Variants in HECTD4 observed in about 807,000 individuals in gnomAD.
The protein encoded by HECTD4 is HECT domain E3 ubiquitin protein ligase 4, also known as probable E3 ubiquitin-protein ligase HECTD4.
In HECTD4, 114 loss-of-function variants were observed where a neutral mutation model predicts 471.5. That is an observed-to-expected ratio of 0.24 (90% confidence interval 0.21 to 0.28). The LOEUF is 0.28. HECTD4 is among the 10% of genes least tolerant of loss of function. HECTD4 has a pLI of 1.00. For missense variants in HECTD4, 3,866 were observed against 5,651.5 expected (o/e 0.68, Z 10.13); for synonymous variants, 2,012 against 2,256.0 (o/e 0.89, Z 3.07).
At chr12:112,318,081 T>C (rs780873371) in intron 2 of HECTD4, among the ~76,000 whole-genome samples, 16 of 150,818 alleles carry the variant, frequency 1.1e-4, no homozygotes, top group Non-Finnish European at 7.4e-5. Flanking sequence ...TTGAGACCAG[T>C]CTGGCCAACA....
At chr12:112,230,612 C>T (rs1212252360) in intron 40 of HECTD4, 75 bp downstream of exon 40, 5 of 1,475,044 alleles carry the variant, frequency 3.4e-6, no homozygotes. Flanking sequence ...ACTGAAATGC[C>T]CCTTGCTGGG....
intron 70 of HECTD4, among the ~76,000 whole-genome samples, chr12:112,168,123 C>T (rs1261450651): frequency 2.6e-5 from 4 of 152,200 alleles, no homozygotes; most frequent in Non-Finnish European, 5.9e-5. Flanking sequence ...CCAGGGATAC[C>T]ACGGAGGGCA....
intron 70 of HECTD4, among the ~76,000 whole-genome samples, chr12:112,169,181 C>G (rs759747413): frequency 6.6e-6 from 1 of 152,062 alleles, no homozygotes; most frequent in Non-Finnish European, 1.5e-5. Flanking sequence ...AACACCCTGC[C>G]TCTCATGGGG....
chr12:112,172,884 AG>A lies in HECTD4; in HGVS notation c.11595-24del, dbSNP rs759612626. ...CACCTTGGGGTGGGGACAGGGGGAG[AG>A]GGGCAAAGTGAGGCAGGGCACACCG... On this transcript the variant is annotated intron_variant, in intron 66 of 75. Coordinates refer to ENST00000682272, the MANE Select transcript of HECTD4 (RefSeq NM_001388303.1). The A allele has an allele frequency of 5.0e-6, 8 of 1,608,024 alleles. No individual in the cohort carries two copies. The East Asian group carries it at 1.6e-4, about 31-fold the overall frequency.
chr12:112,172,624 T>A (rs1316059613), intron 67 of HECTD4, 47 bp downstream of exon 67: 3 of 1,582,374 alleles, frequency 1.9e-6, no homozygotes, highest in Non-Finnish European at 2.6e-6. Context: ...TCATGGGGCA[T>A]GCCCGCATCA....
chr12:112,335,843 AGT>A (rs922199432), intron 1 of HECTD4, among the ~76,000 whole-genome samples: 2 of 152,174 alleles, frequency 1.3e-5, no homozygotes, highest in African/African-American at 4.8e-5. Flanking sequence ...TAAATAAATA[AGT>A]GTTCTAGTTA....
chr12:112,310,475 T>C (rs1191505811), intron 4 of HECTD4, among the ~76,000 whole-genome samples: 1 of 152,186 alleles, frequency 6.6e-6, no homozygotes, highest in Non-Finnish European at 1.5e-5. Context: ...TCCAAAGAAT[T>C]TGCCTTAAAA....
chr12:112,243,143 G>A lies in HECTD4; in HGVS notation c.4958+210C>T. 6.6e-6 allele frequency among the ~76,000 whole-genome samples: 1 copy of A among 152,178 alleles called. No individual in the cohort carries two copies. Among genetic ancestry groups the A allele is most frequent in the Non-Finnish European group, 1.5e-5 (1 of 68,032 alleles). On this transcript the variant is annotated intron_variant, in intron 32 of 75. Transcript: ENST00000682272. The surrounding 1 kb of genome is among the most constrained non-coding windows in gnomAD (Gnocchi z 6.6). ...CTGTAATGAGCTCTTAATGGACAGA[G>A]TGGAATTCAGGAGAAGAAGGTGAAT...
chr12:112,176,677 G>T lies in HECTD4; in HGVS notation c.11389C>A (p.Pro3797Thr), dbSNP rs755529328. 5.6e-6 allele frequency: 9 copies of T among 1,613,736 alleles called. No homozygotes were observed. The Admixed American group carries it at 1.3e-4, about 24-fold the overall frequency. The change falls in exon 65 of 76, where the codon CCA (proline) becomes ACA (threonine). Residue 3797 changes from proline (P) to threonine (T), a missense_variant. By Grantham distance (38) the Pro-to-Thr change is conservative. This residue lies in a region of HECTD4 where 715 missense variants were observed against 1,087.6 expected (regional missense o/e 0.66). Transcript: ENST00000682272. ...TCTGGTGATTTTGGCTTCACAGTTGGCTTCTTCTCACTTAAGGCAGTCCTG... is the reference window on the plus strand; with the variant it reads ...TCTGGTGATTTTGGCTTCACAGTTGTCTTCTTCTCACTTAAGGCAGTCCTG... ...VSRTALSEKK[P>T]TVKPKSPEKS...
At chr12:112,324,949 C>T (rs2035710402) in intron 1 of HECTD4, among the ~76,000 whole-genome samples, 1 of 152,138 alleles carries the variant, frequency 6.6e-6, no homozygotes, top group Non-Finnish European at 1.5e-5. Context: ...CAATCATCTA[C>T]TTATGTTATA....
rs2137029042 is a variant in HECTD4, at chr12:112,185,337, G to T, written c.9629C>A (p.Ala3210Asp). 1.3e-6 allele frequency: 2 copies of T among 1,595,146 alleles called. No homozygotes were observed. Among genetic ancestry groups the T allele is most frequent in the East Asian group, 4.5e-5 (2 of 44,040 alleles). ...CTCCGACTGCAAGGCCATCAGCATG[G>T]CCAGGCAGGGGTTCAGCTGGAGGGC... ...SIALQLNPCL[A>D]MLMALQSELH... The change falls in exon 61 of 76, where the codon GCC becomes GAC. Residue 3210 changes from alanine to aspartate, a missense_variant. Coordinates refer to ENST00000682272, the MANE Select transcript of HECTD4 (RefSeq NM_001388303.1).
In HECTD4 at chr12:112,179,006, G is replaced by A. The variant is rs761270870; in HGVS notation, c.11288C>T (p.Pro3763Leu). The A allele has an allele frequency of 5.6e-6, 9 of 1,613,622 alleles. 1 individual carries two copies. The South Asian group carries it at 8.8e-5, about 16-fold the overall frequency. ...KYSKAGKEQH[P>L]VKVVSTKRPI... Reference sequence around the variant, plus strand: ...CCGCTTGGTGCTCACCACCTTCACGGGGTGCTGCTCCTTCCCGGCCTTGCT... The same window carrying A: ...CCGCTTGGTGCTCACCACCTTCACGAGGTGCTGCTCCTTCCCGGCCTTGCT... Residue 3763 changes from proline (P) to leucine (L), a missense_variant, in exon 64 of 76, where the codon CCC becomes CTC. By Grantham distance (98) the Pro-to-Leu change is moderately conservative. This residue lies in a region of HECTD4 where 715 missense variants were observed against 1,087.6 expected (regional missense o/e 0.66). Transcript: ENST00000682272. This position sits in a 1 kb window ranked among gnomAD's most constrained non-coding sequence, Gnocchi z 4.3.
intron 62 of HECTD4, 68 bp downstream of exon 62, chr12:112,182,990 GA>G: frequency 8.6e-7 from 1 of 1,159,396 alleles, no homozygotes; most frequent in Middle Eastern, 2.7e-4. Context: ...TTTTAATGCA[GA>G]TTTTTTTCTG....
intron 48 of HECTD4, among the ~76,000 whole-genome samples, chr12:112,215,692 T>C (rs1229809550): frequency 6.6e-6 from 1 of 152,102 alleles, no homozygotes; most frequent in Non-Finnish European, 1.5e-5. Context: ...CAGGCTGGAG[T>C]GTAGTGGTAT....
chr12:112,260,672 G>A (rs890950661), intron 18 of HECTD4, among the ~76,000 whole-genome samples: 4 of 151,572 alleles, frequency 2.6e-5, no homozygotes, highest in Non-Finnish European at 5.9e-5. Flanking sequence ...CGCCTCCCAG[G>A]TTCAGGCCAT....
chr12:112,164,327 C>A, intron 72 of HECTD4, 52 bp from the exon 73 acceptor site: 1 of 1,558,166 alleles, frequency 6.4e-7, no homozygotes, highest in Non-Finnish European at 8.7e-7. Context: ...GGAGGTGGAA[C>A]CCTGATCCCC....
intron 1 of HECTD4, among the ~76,000 whole-genome samples, chr12:112,346,191 AAGGC>A (rs1393804955): frequency 2.0e-5 from 3 of 152,192 alleles, no homozygotes; most frequent in Admixed American, 6.5e-5. Flanking sequence ...CTAGAATTAA[AAGGC>A]AGTCTCTAAA....
In HECTD4 at chr12:112,265,183, T is replaced by C. The variant is rs1161006650; in HGVS notation, c.2611A>G (p.Thr871Ala). 6.2e-7 allele frequency: 1 copy of C among 1,600,066 alleles called. No homozygotes were observed. Among genetic ancestry groups the C allele is most frequent in the Non-Finnish European group, 8.5e-7 (1 of 1,174,814 alleles). The change falls in exon 16 of 76, where the codon ACT (threonine) becomes GCT (alanine). Residue 871 changes from threonine to alanine, a missense_variant. Coordinates refer to ENST00000682272, the MANE Select transcript of HECTD4 (RefSeq NM_001388303.1). ...AACACATTTTTACTTACAGGCACAG[T>C]TGAAAGGAGCTTTTGAAAATCATCT... ...SKDDFQKLLS[T>A]VPAASSCLRY...
rs188042806 is a variant in HECTD4, at chr12:112,252,911, G to A, written c.3448-383C>T. 8.1e-3 allele frequency among the ~76,000 whole-genome samples: 1,228 copies of A among 151,806 alleles called. 18 individuals carry two copies. Among genetic ancestry groups the A allele is most frequent in the Non-Finnish European group, 0.015 (1,001 of 67,958 alleles). On this transcript the variant is annotated intron_variant, in intron 22 of 75. Transcript: ENST00000682272. ...TGCAGTCTCAATCTCCCAGGCTCAA[G>A]CAATCCTCCCACTTCAGCCTCCTGA...
Sources: gnomAD v4.1 joint callset for allele counts (sites outside exome capture counted in the v4.1 genomes callset) on GRCh38, gnomAD v4.1.1 for gene constraint, gnomAD v4.1.1 regional missense constraint, Gnocchi (gnomAD v3.1) non-coding constraint, MANE v1.5 for transcripts, NCBI Gene and HGNC (gene_info 2026-07-23, HGNC 2026-07-21) for gene names.